DNAH14: variants seen among roughly 807,000 people sequenced by gnomAD.
The protein encoded by DNAH14 is dynein axonemal heavy chain 14, also known as axonemal beta dynein heavy chain 14.
Under a neutral mutation model 520.9 loss-of-function variants are expected in DNAH14, and 478 were observed. The ratio of observed to expected loss-of-function variants is 0.92; its 90% CI spans 0.85 to 0.99. DNAH14 has a LOEUF of 0.99. DNAH14 is among the 50% of genes least tolerant of loss of function. The probability of loss-of-function intolerance (pLI) is 0.00; values close to 1 mark genes in which losing one functional copy is unlikely to be tolerated. For synonymous variants in DNAH14, 1,581 were observed against 1,757.2 expected (o/e 0.90, Z 2.51); for missense variants, 4,831 against 5,234.5 (o/e 0.92, Z 2.38).
chr1:225,017,658 C>G (rs1206128578), intron 10 of DNAH14, among the ~76,000 whole-genome samples: 1 of 152,244 alleles, frequency 6.6e-6, no homozygotes. Flanking sequence ...CACCCTGCAA[C>G]CCCTAGCGCA....
At chr1:225,315,913 C>T (rs1409636919) in intron 60 of DNAH14, among the ~76,000 whole-genome samples, 1 of 152,200 alleles carries the variant, frequency 6.6e-6, no homozygotes, top group Non-Finnish European at 1.5e-5. Context: ...ATCAGGGACC[C>T]ACTTGAGGCA....
intron 8 of DNAH14, among the ~76,000 whole-genome samples, chr1:224,999,835 T>G (rs2063634937): frequency 6.6e-6 from 1 of 152,156 alleles, no homozygotes. Flanking sequence ...ACTTTCATGT[T>G]TCTTTACCTT....
At chr1:224,944,923 A>G (rs1243155228) in intron 1 of DNAH14, among the ~76,000 whole-genome samples, 1 of 152,162 alleles carries the variant, frequency 6.6e-6, no homozygotes, top group African/African-American at 2.4e-5. Flanking sequence ...GCTGCCCTTA[A>G]CATTTTTTCC....
intron 22 of DNAH14, 92 bp from the exon 23 acceptor site, chr1:225,100,619 ACT>A: frequency 7.1e-6 from 7 of 987,626 alleles, no homozygotes; most frequent in Non-Finnish European, 9.9e-6. Flanking sequence ...ATGTTTTATA[ACT>A]CAAACAGTAT....
chr1:225,333,314 T>C lies in DNAH14; in HGVS notation c.9888T>C (p.Asn3296=). 2 of 1,551,462 alleles carry C rather than the reference T, an allele frequency of 1.3e-6. No individual in the cohort carries two copies. The highest frequency in any genetic ancestry group is 1.7e-6 in the Non-Finnish European group (2 of 1,146,746). Residue 3296 remains asparagine (N), a synonymous_variant, in exon 66 of 86, where the codon AAT becomes AAC. Transcript: ENST00000682510. ...DEKTRWQETI[N]QIDNKLEGIL... ...AGACTCGATGGCAAGAAACAATCAATCAAATAGATAACAAATTAGAAGGAA... is the reference window on the plus strand; with the variant it reads ...AGACTCGATGGCAAGAAACAATCAACCAAATAGATAACAAATTAGAAGGAA...
intron 67 of DNAH14, 99 bp downstream of exon 67, chr1:225,337,595 G>A: frequency 1.1e-6 from 1 of 916,562 alleles, no homozygotes; most frequent in Non-Finnish European, 1.7e-6. Context: ...ATAACTGTCA[G>A]GGAAAAAATA....
intron 10 of DNAH14, among the ~76,000 whole-genome samples, chr1:225,013,560 C>T (rs563494305): frequency 6.6e-6 from 1 of 152,294 alleles, no homozygotes; most frequent in South Asian, 2.1e-4. Flanking sequence ...CCACAGCCAC[C>T]CCTTTCCCCA....
intron 60 of DNAH14, among the ~76,000 whole-genome samples, chr1:225,316,470 G>A (rs1344272229): frequency 1.3e-5 from 2 of 152,296 alleles, no homozygotes; most frequent in East Asian, 1.9e-4. Context: ...GAAATCCAGG[G>A]CTCTTGTGGT....
chr1:224,967,129 G>A (rs1375985170), intron 5 of DNAH14, among the ~76,000 whole-genome samples: 2 of 151,944 alleles, frequency 1.3e-5, no homozygotes, highest in African/African-American at 2.4e-5. Flanking sequence ...TATGTAAAAG[G>A]TATGTCATCA....
At chr1:225,290,112 G>T in intron 55 of DNAH14, 30 bp downstream of exon 55, 1 of 1,336,700 alleles carries the variant, frequency 7.5e-7, no homozygotes, top group Non-Finnish European at 9.7e-7. Flanking sequence ...GCTATTTGCT[G>T]AAGTTTGATA....
chr1:225,337,938 A>C (rs2095094609), intron 67 of DNAH14, 123 bp from the exon 68 acceptor site: 5 of 947,948 alleles, frequency 5.3e-6, no homozygotes, highest in Non-Finnish European at 6.1e-6. Flanking sequence ...CTGTTGTACT[A>C]TGAAATACTA....
At chr1:225,174,392 G>A (rs1479281038) in intron 36 of DNAH14, among the ~76,000 whole-genome samples, 1 of 152,006 alleles carries the variant, frequency 6.6e-6, no homozygotes, top group African/African-American at 2.4e-5. Context: ...TATATGTTTT[G>A]TAGAGATCTT....
chr1:225,088,656 A>T (rs2074044834), intron 21 of DNAH14, among the ~76,000 whole-genome samples: 2 of 152,218 alleles, frequency 1.3e-5, no homozygotes, highest in Admixed American at 1.3e-4. Flanking sequence ...AAAACCATAA[A>T]GACATAGATT....
chr1:225,168,015 A>G lies in DNAH14; in HGVS notation c.5522A>G (p.Tyr1841Cys). The G allele has an allele frequency of 6.5e-7, 1 of 1,527,140 alleles. No individual in the cohort carries two copies. The highest frequency in any genetic ancestry group is 8.8e-7 in the Non-Finnish European group (1 of 1,131,534). The allele number at this position is 1,527,140 out of a possible 1,614,324, so 94.6% of individuals were successfully genotyped here. A position where few individuals can be genotyped will look rare whatever the true frequency, so the allele number is the denominator to read the frequency against. The change falls in exon 36 of 86, where the codon TAT becomes TGT. Residue 1841 changes from tyrosine (Y) to cysteine (C), a missense_variant. Tyr to Cys is a radical substitution (Grantham distance 194, BLOSUM62 -2). Coordinates refer to ENST00000682510, the MANE Select transcript of DNAH14 (RefSeq NM_001367479.1). Reference protein sequence around the residue: ...SSQKEKIIQFYNQLQVCVGVM... With the variant: ...SSQKEKIIQFCNQLQVCVGVM... ...CAGAAAGAGAAGATTATACAGTTTT[A>G]TAATCAACTTCAGGTAAGTATAAAA...
intron 55 of DNAH14, among the ~76,000 whole-genome samples, chr1:225,291,624 C>T (rs1238483170): frequency 6.6e-6 from 1 of 151,876 alleles, no homozygotes; most frequent in Non-Finnish European, 1.5e-5. Flanking sequence ...TGCCCAGACT[C>T]ATATGTAGTT....
intron 17 of DNAH14, among the ~76,000 whole-genome samples, chr1:225,056,866 C>T (rs578068297): frequency 6.6e-6 from 1 of 152,236 alleles, no homozygotes; most frequent in Admixed American, 6.5e-5. Flanking sequence ...TTTCTGAGGG[C>T]TCTGTTCTGT....
At chr1:225,179,565 T>C (rs1462667957) in intron 36 of DNAH14, among the ~76,000 whole-genome samples, 1 of 152,232 alleles carries the variant, frequency 6.6e-6, no homozygotes, top group Non-Finnish European at 1.5e-5. Context: ...TTATATTGTC[T>C]ATCTCACAAC....
intron 1 of DNAH14, 43 bp downstream of exon 1, chr1:224,929,878 C>CGGCG (rs2058561016): frequency 8.0e-6 from 5 of 624,078 alleles, no homozygotes; most frequent in Non-Finnish European, 1.4e-5. Context: ...GGCAGAGCCT[C>CGGCG]GGCGGGCGGG....
chr1:225,199,905 G>A (rs1333653105), intron 38 of DNAH14, among the ~76,000 whole-genome samples: 1 of 152,130 alleles, frequency 6.6e-6, no homozygotes, highest in Non-Finnish European at 1.5e-5. Context: ...TCTGTCTGAT[G>A]ACCTGTCTAG....
Sources: allele counts gnomAD v4.1 joint callset (sites outside exome capture counted in the v4.1 genomes callset), GRCh38; gene constraint gnomAD v4.1.1; transcripts MANE v1.5; gene names NCBI Gene and HGNC (gene_info 2026-07-23, HGNC 2026-07-21).